Variants in PSG4 observed in about 807,000 individuals in gnomAD.
PSG4 encodes the protein pregnancy-specific beta-1-glycoprotein 4.
PSG4 carries 61 observed loss-of-function variants against 44.3 expected under a neutral mutation model. That is an observed-to-expected ratio of 1.38 (90% CI 1.12 to 1.70). The LOEUF is 1.70. PSG4 is among the 40% of genes most tolerant of loss of function. PSG4 has a pLI of 0.00. For missense variants in PSG4, 677 were observed against 511.7 expected (o/e 1.32, Z -3.12); for synonymous variants, 248 against 191.3 (o/e 1.30, Z -2.45).
intron 4 of PSG4, 89 bp downstream of exon 4, chr19:43,194,906 T>C: frequency 6.4e-7 from 1 of 1,569,228 alleles, no homozygotes; most frequent in Non-Finnish European, 8.6e-7. Flanking sequence ...GTGTCTATAC[T>C]TGGACTGGAG....
At position 43,201,819 on chromosome 19, in the gene PSG4, T is replaced by TTGTG. The variant is rs57230870; in HGVS notation, c.430+2063_430+2066dup. Among the ~76,000 whole-genome samples the TTGTG allele has an allele frequency of 1.8e-3, 249 of 139,368 alleles. 27 individuals carry two copies. The highest frequency in any genetic ancestry group is 4.8e-3 in the African/African-American group (171 of 35,422). The allele number at this position is 139,368 out of a possible 152,430, so 91.4% of individuals were successfully genotyped here. ...ACTAGAAACCAACATTTCAATAATT[T>TTGTG]TGTGTGTGTGTGTGTGTGTGTGCAG... On this transcript the variant is annotated intron_variant, in intron 2 of 5. Transcript: ENST00000405312.
Position 43,203,844 on chromosome 19 carries a change from C to A in PSG4, c.430+42G>T, listed in dbSNP as rs112435166. The A allele has an allele frequency of 5.0e-5, 79 of 1,566,760 alleles. 10 individuals carry two copies. The African/African-American group carries it at 7.0e-4, about 14-fold the overall frequency. ...TCCTGTGTGTGTGAAGTAGAAGTGACCCCTGTCCCCCAACACCCAGGGATC... is the reference window on the plus strand; with the variant it reads ...TCCTGTGTGTGTGAAGTAGAAGTGAACCCTGTCCCCCAACACCCAGGGATC... On this transcript the variant is annotated intron_variant, in intron 2 of 5. Transcript: ENST00000405312.
rs140269445 is a variant in PSG4 at position 43,204,876 on chromosome 19, T to C, written c.64+597A>G. The C allele has an allele frequency of 5.8e-3, 2,321 of 398,250 alleles. 246 individuals are homozygous for C. The highest frequency in any genetic ancestry group is 0.026 in the South Asian group (1,342 of 52,172). The allele number at this position is 398,250 out of a possible 1,614,324, so 24.7% of individuals were successfully genotyped here. A position where few individuals can be genotyped will look rare whatever the true frequency, so the allele number is the denominator to read the frequency against. ...TTCTTGCTGAGGACAGTGTTTCATG[T>C]CCTGCTTATATTTTCATTTGAAGTG... On this transcript the variant is annotated intron_variant, in intron 1 of 5. Coordinates refer to ENST00000405312, the MANE Select transcript of PSG4 (RefSeq NM_002780.5).
chr19:43,200,941 G>T lies in PSG4; in HGVS notation c.431-2666C>A, dbSNP rs1185048459. Among the ~76,000 whole-genome samples the T allele has an allele frequency of 2.1e-5, 3 of 145,924 alleles. 1 individual carries two copies. Among genetic ancestry groups the T allele is most frequent in the African/African-American group, 5.2e-5 (2 of 38,174 alleles). On this transcript the variant is annotated intron_variant, in intron 2 of 5. Transcript: ENST00000405312. ...GAACGGAGTCACAAATTTTAAGCTT[G>T]TTATATGCCTGACAGGAAGCCAGAA...
intron 3 of PSG4, 90 bp from the exon 4 acceptor site, chr19:43,195,363 C>T: frequency 1.9e-6 from 3 of 1,542,228 alleles, no homozygotes; most frequent in Middle Eastern, 2.4e-4. Flanking sequence ...TCTCCCACCT[C>T]TCAGCCCACC....
At position 43,194,176 on chromosome 19, in the gene PSG4, T is replaced by C. The variant is rs933396318; in HGVS notation, c.1243+164A>G. ...AGATATCAGCCTGTTTGTTAAAGTT[T>C]TGGAAGTTCTTAGACAAATTGGGAG... On this transcript the variant is annotated intron_variant, in intron 5 of 5. Transcript: ENST00000405312. 1.4e-5 allele frequency: 22 copies of C among 1,527,506 alleles called. No individual in the cohort carries two copies. In the Admixed American group the frequency reaches 3.8e-4, roughly 26 times the overall value. 94.6% of individuals were successfully genotyped at this position (1,527,506 alleles called of 1,614,324 possible).
At chr19:43,204,693 T>TCCCCCCCCC (rs1350686087) in intron 1 of PSG4, 1 of 149,516 alleles carries the variant, frequency 6.7e-6, no homozygotes, top group African/African-American at 8.0e-5. Flanking sequence ...CATGTCTGTC[T>TCCCCCCCCC]TCCCCCCACG....
At position 43,199,014 on chromosome 19, in the gene PSG4, G is replaced by T. The variant is rs1254881952; in HGVS notation, c.431-739C>A. On this transcript the variant is annotated intron_variant, in intron 2 of 5. Transcript: ENST00000405312. ...ATGTTCCGTGTTCTGGGTCCATGATGCTCGCTTCCCCCTGTAGAGGGCAGG... is the reference window on the plus strand; with the variant it reads ...ATGTTCCGTGTTCTGGGTCCATGATTCTCGCTTCCCCCTGTAGAGGGCAGG... 4.8e-5 allele frequency: 7 copies of T among 146,406 alleles called. 1 individual carries two copies. Among genetic ancestry groups the T allele is most frequent in the Admixed American group, 4.7e-4 (7 of 14,742 alleles). The allele number at this position is 146,406 out of a possible 1,614,324, so 9.1% of individuals were successfully genotyped here.
chr19:43,202,580 G>A (rs10404164), intron 2 of PSG4, among the ~76,000 whole-genome samples: 2,081 of 144,608 alleles, frequency 0.014, 362 homozygotes, highest in African/African-American at 0.053. Context: ...GGCCTGTGCT[G>A]GTGCAGGGTG....
intron 3 of PSG4, among the ~76,000 whole-genome samples, chr19:43,196,022 C>T (rs553003654): frequency 3.3e-5 from 5 of 151,176 alleles, no homozygotes; most frequent in Non-Finnish European, 7.4e-5. Context: ...CTTTAAGTTT[C>T]CTCTCCTTCT....
In PSG4 at chr19:43,196,554, T is replaced by C. The variant is rs528866644; in HGVS notation, c.710-1281A>G. The stretch of plus-strand genomic sequence containing the variant: ...TGAAAGATTCAAAATCTAAAATGCT[T>C]CAGTGAGCATTTCTTTTCAGCATCA... On this transcript the variant is annotated intron_variant, in intron 3 of 5. Coordinates refer to ENST00000405312, the MANE Select transcript of PSG4 (RefSeq NM_002780.5). The C allele has an allele frequency of 6.6e-5, 10 of 151,720 alleles. 1 individual carries two copies. The highest frequency in any genetic ancestry group is 6.2e-4 in the South Asian group (3 of 4,808). 9.4% of individuals were successfully genotyped at this position (151,720 alleles called of 1,614,324 possible).
intron 5 of PSG4, chr19:43,193,887 C>T (rs1373023242): frequency 2.9e-6 from 2 of 682,872 alleles, no homozygotes; most frequent in Non-Finnish European, 5.3e-6. Context: ...TATCAATACT[C>T]ATGAATAGTT....
At position 43,198,119 on chromosome 19, in the gene PSG4, G is replaced by T. The variant is rs766807245; in HGVS notation, c.587C>A (p.Ser196Tyr). 18 of 1,587,746 alleles carry T rather than the reference G, an allele frequency of 1.1e-5. 2 individuals are homozygous for T. The highest frequency in any genetic ancestry group is 1.4e-5 in the Non-Finnish European group (16 of 1,171,900). ...SLPMTHRLQL[S>Y]KTNRTLFIFG... Reference sequence around the variant, plus strand: ...TATAAAGAGGGTCCTGTTGGTTTTGGACAGCTGCAACCTGTGAGTCATAGG... The same window carrying T: ...TATAAAGAGGGTCCTGTTGGTTTTGTACAGCTGCAACCTGTGAGTCATAGG... The change falls in exon 3 of 6, where the codon TCC becomes TAC. Residue 196 changes from serine to tyrosine, a missense_variant. Transcript: ENST00000405312.
At chr19:43,198,541 G>A in intron 2 of PSG4, 3 of 566,922 alleles carry the variant, frequency 5.3e-6, no homozygotes, top group Non-Finnish European at 8.0e-6. Flanking sequence ...AGGACCAGCA[G>A]TCACAGACCC....
At chr19:43,195,665 T>A (rs1249353058) in intron 3 of PSG4, among the ~76,000 whole-genome samples, 1 of 151,346 alleles carries the variant, frequency 6.6e-6, no homozygotes, top group Non-Finnish European at 1.5e-5. Context: ...TTTGCCCCCC[T>A]AGATGAGATT....
At chr19:43,201,320 C>A (rs1156348875) in intron 2 of PSG4, among the ~76,000 whole-genome samples, 2 of 145,602 alleles carry the variant, frequency 1.4e-5, no homozygotes, top group African/African-American at 2.6e-5. Context: ...TAGTGAAAGA[C>A]CATGAGATTA....
At position 43,193,681 on chromosome 19, in the gene PSG4, C is replaced by T. The variant is rs910899178; in HGVS notation, c.1244-293G>A. On this transcript the variant is annotated intron_variant, in intron 5 of 5. Coordinates refer to ENST00000405312, the MANE Select transcript of PSG4 (RefSeq NM_002780.5). ...CTCTCAGATTAAACTTTTACAAAAC[C>T]CTTGAGAATAGGAAGCCAAACCAAG... is the stretch of plus-strand genomic sequence containing the variant. 6.6e-5 allele frequency: 36 copies of T among 548,646 alleles called. 2 individuals are homozygous for T. The highest frequency in any genetic ancestry group is 5.0e-4 in the African/African-American group (26 of 52,432). The allele number at this position is 548,646 out of a possible 1,614,324, so 34.0% of individuals were successfully genotyped here. A position where few individuals can be genotyped will look rare whatever the true frequency, so the allele number is the denominator to read the frequency against.
intron 2 of PSG4, among the ~76,000 whole-genome samples, chr19:43,201,732 T>G (rs1300669729): frequency 6.9e-6 from 1 of 145,620 alleles, no homozygotes; most frequent in Non-Finnish European, 1.5e-5. Context: ...GAGGCTGATT[T>G]GAGTACTAAT....
In PSG4 at chr19:43,194,465, T is replaced by G. The variant is rs752061676; in HGVS notation, c.1118A>C (p.Gln373Pro). The change falls in exon 5 of 6, where the codon CAG (glutamine) becomes CCG (proline). Residue 373 changes from glutamine (Q) to proline (P), a missense_variant. Coordinates refer to ENST00000405312, the MANE Select transcript of PSG4 (RefSeq NM_002780.5). ...QYSWTINGKF[Q>P]LSGQKLSIPQ... ...GATAGAGAGCTTTTGTCCTGATAGC[T>G]GAAACTTCCCATTAATTGTCCAAGA... is the stretch of plus-strand genomic sequence containing the variant. 1.7e-5 allele frequency: 28 copies of G among 1,612,414 alleles called. 1 individual carries two copies. In the Admixed American group the frequency reaches 1.8e-4, roughly 11 times the overall value.
Sources: allele counts gnomAD v4.1 joint callset (sites outside exome capture counted in the v4.1 genomes callset), GRCh38; gene constraint gnomAD v4.1.1; transcripts MANE v1.5; gene names NCBI Gene and HGNC (gene_info 2026-07-23, HGNC 2026-07-21).